The following CBLB variants were observed in gnomAD, a reference collection of about 807,000 sequenced individuals.
CBLB encodes E3 ubiquitin-protein ligase CBL-B.
In CBLB, 31 loss-of-function variants were observed where a neutral mutation model predicts 104.9. The observed-to-expected ratio is 0.30, with a 90% confidence interval of 0.22 to 0.40. The LOEUF is 0.40. CBLB is among the 10% of genes least tolerant of loss of function. The pLI, the probability that CBLB is intolerant of heterozygous loss-of-function variation, is 1.00. For missense variants in CBLB, 1,062 were observed against 1,214.6 expected, an observed-to-expected ratio of 0.87 and a Z score of 1.87; for synonymous variants, 440 against 422.6, an observed-to-expected ratio of 1.04 and a Z score of -0.51.
chr3:105,786,822 T>C (rs1205983481), intron 3 of CBLB, among the ~76,000 whole-genome samples: 1 of 152,182 alleles, frequency 6.6e-6, no homozygotes, highest in Admixed American at 6.5e-5. Context: ...AATAGTTATA[T>C]AGATAAATTA....
At chr3:105,761,377 C>T (rs1412163574) in intron 4 of CBLB, among the ~76,000 whole-genome samples, 1 of 152,184 alleles carries the variant, frequency 6.6e-6, no homozygotes. Context: ...TGTTTCCCCA[C>T]CCAAATCTCA....
intron 14 of CBLB, among the ~76,000 whole-genome samples, chr3:105,682,473 G>T (rs985836597): frequency 6.6e-6 from 1 of 152,088 alleles, no homozygotes; most frequent in Non-Finnish European, 1.5e-5. Context: ...TTTGTAAAGG[G>T]TACTACTTAC....
intron 13 of CBLB, among the ~76,000 whole-genome samples, chr3:105,685,880 G>A (rs1160750347): frequency 6.6e-6 from 1 of 152,108 alleles, no homozygotes; most frequent in Non-Finnish European, 1.5e-5. Context: ...TATTAAAGAA[G>A]TCTTTATAGA....
At chr3:105,829,880 A>C (rs2087211476) in intron 3 of CBLB, among the ~76,000 whole-genome samples, 1 of 152,100 alleles carries the variant, frequency 6.6e-6, no homozygotes, top group Admixed American at 6.5e-5. Flanking sequence ...ATCATCTATT[A>C]CATATATTTG....
intron 2 of CBLB, among the ~76,000 whole-genome samples, chr3:105,854,240 T>C (rs1464204026): frequency 1.3e-5 from 2 of 152,214 alleles, no homozygotes; most frequent in Admixed American, 1.3e-4. Context: ...CCTATAAACA[T>C]GTGGCATATA....
At chr3:105,662,502 T>C (rs1323114936) in intron 18 of CBLB, among the ~76,000 whole-genome samples, 1 of 152,198 alleles carries the variant, frequency 6.6e-6, no homozygotes, top group African/African-American at 2.4e-5. Flanking sequence ...TGAACTCTTA[T>C]GAGTAATTGC....
chr3:105,868,310 C>A (rs1706451837), intron 1 of CBLB: 3 of 920,832 alleles, frequency 3.3e-6, no homozygotes, highest in South Asian at 5.6e-5. Context: ...GGCTCCTCGC[C>A]TCTGCCCTCA....
rs371848422 is a variant in CBLB, at chr3:105,832,371, ATAACG to A, written c.419+21038_419+21042del. On this transcript the variant is annotated intron_variant, in intron 3 of 18. Transcript: ENST00000394030. ...ATCTTCAGCAGTTAATGGACAACAAATAACGTGGAAAGTGGTTTTACTTGTAACTC... is the reference window on the plus strand; with the variant it reads ...ATCTTCAGCAGTTAATGGACAACAAATGGAAAGTGGTTTTACTTGTAACTC... 5.3e-4 allele frequency among the ~76,000 whole-genome samples: 80 copies of A among 152,330 alleles called. No homozygotes were observed. The Middle Eastern group carries it at 0.01, about 19-fold the overall frequency.
intron 4 of CBLB, among the ~76,000 whole-genome samples, chr3:105,772,858 T>C (rs994384617): frequency 4.6e-5 from 7 of 152,096 alleles, no homozygotes; most frequent in African/African-American, 1.2e-4. Flanking sequence ...TTAAAAACAA[T>C]AGATGTTGTT....
intron 3 of CBLB, among the ~76,000 whole-genome samples, chr3:105,789,231 G>C (rs1056525749): frequency 2.0e-5 from 3 of 152,074 alleles, no homozygotes; most frequent in African/African-American, 7.2e-5. Context: ...CTATTATCAC[G>C]ATACTCAATT....
chr3:105,778,258 A>G (rs1321801347), intron 3 of CBLB, among the ~76,000 whole-genome samples: 2 of 152,166 alleles, frequency 1.3e-5, no homozygotes, highest in Non-Finnish European at 2.9e-5. Flanking sequence ...ACAGTGTATC[A>G]ACAGACCTTT....
rs577312870 is a variant in CBLB, at chr3:105,732,524, C to T, written c.1203+1485G>A. ...AGAGAAGTATAGGGATTTTGAACAA[C>T]GTTACTGAGGTAGCAAAGATCTCTG... On this transcript the variant is annotated intron_variant, in intron 9 of 18. Coordinates refer to ENST00000394030, the MANE Select transcript of CBLB (RefSeq NM_170662.5). 1.2e-4 allele frequency among the ~76,000 whole-genome samples: 18 copies of T among 152,194 alleles called. No individual in the cohort carries two copies. In the East Asian group the frequency reaches 2.5e-3, roughly 21 times the overall value.
chr3:105,709,887 T>G (rs2070802173), intron 10 of CBLB, among the ~76,000 whole-genome samples: 1 of 151,942 alleles, frequency 6.6e-6, no homozygotes, highest in Admixed American at 6.6e-5. Context: ...TACACAAAAC[T>G]CAAATGCAAA....
At chr3:105,768,995 T>C (rs2078542538) in intron 4 of CBLB, among the ~76,000 whole-genome samples, 1 of 152,200 alleles carries the variant, frequency 6.6e-6, no homozygotes, top group South Asian at 2.1e-4. Context: ...ATCGTCCATC[T>C]ATGCAATTAT....
chr3:105,759,669 C>T (rs1560117802), intron 4 of CBLB, among the ~76,000 whole-genome samples: 1 of 152,256 alleles, frequency 6.6e-6, no homozygotes, highest in Non-Finnish European at 1.5e-5. Flanking sequence ...TTGGCCACAG[C>T]TTTGCTCCAT....
chr3:105,774,253 A>G (rs995842806), intron 4 of CBLB, among the ~76,000 whole-genome samples: 5 of 152,210 alleles, frequency 3.3e-5, no homozygotes, highest in African/African-American at 1.2e-4. Flanking sequence ...TTTTGGGAAA[A>G]TACAAACAGT....
At chr3:105,751,657 G>C (rs763173434) in intron 4 of CBLB, 39 bp from the exon 5 acceptor site, 40 of 1,558,998 alleles carry the variant, frequency 2.6e-5, no homozygotes, top group Non-Finnish European at 3.3e-5. Context: ...ATTGAATCAA[G>C]TATCATTTAA....
chr3:105,839,516 A>G (rs1428371720), intron 3 of CBLB: 2 of 152,246 alleles, frequency 1.3e-5, no homozygotes, highest in Non-Finnish European at 2.9e-5. Context: ...AGAAAAAAGT[A>G]TTTAAGTTTA....
At chr3:105,790,331 AT>A (rs2081492606) in intron 3 of CBLB, among the ~76,000 whole-genome samples, 1 of 152,172 alleles carries the variant, frequency 6.6e-6, no homozygotes, top group Admixed American at 6.5e-5. Flanking sequence ...AAATCTTTAC[AT>A]TTTCTTACAC....
Sources: gnomAD v4.1 joint callset for allele counts (sites outside exome capture counted in the v4.1 genomes callset) on GRCh38, gnomAD v4.1.1 for gene constraint, MANE v1.5 for transcripts, NCBI Gene and HGNC (gene_info 2026-07-23, HGNC 2026-07-21) for gene names.